The following SCLT1 variants were observed in gnomAD, a reference collection of about 807,000 sequenced individuals.
SCLT1 encodes the protein sodium channel and clathrin linker 1, also known as sodium channel-associated protein 1.
Under a neutral mutation model 112.8 loss-of-function variants are expected in SCLT1, and 78 were observed. The observed-to-expected ratio is 0.69, with a 90% CI of 0.58 to 0.83. SCLT1 has a LOEUF of 0.83. SCLT1 is among the 40% of genes least tolerant of loss of function. The pLI is 0.00. For synonymous variants in SCLT1, 257 were observed against 254.7 expected (o/e 1.01, Z -0.09); for missense variants, 747 against 770.4 (o/e 0.97, Z 0.36).
chr4:129,004,938 T>C (rs1297621591), intron 5 of SCLT1, among the ~76,000 whole-genome samples: 2 of 151,674 alleles, frequency 1.3e-5, no homozygotes, highest in Non-Finnish European at 2.9e-5. Context: ...CTAACAGTGT[T>C]TTTAAAAACT....
intron 8 of SCLT1, chr4:128,997,122 G>C (rs1365860739): frequency 6.6e-6 from 1 of 151,860 alleles, no homozygotes; most frequent in Non-Finnish European, 1.5e-5. Flanking sequence ...AATGTTAACA[G>C]AATAGGTACA....
At chr4:129,001,481 A>C (rs1472793455) in intron 6 of SCLT1, among the ~76,000 whole-genome samples, 1 of 152,066 alleles carries the variant, frequency 6.6e-6, no homozygotes, top group African/African-American at 2.4e-5. Context: ...AGATTTTTAA[A>C]CTATGTCAAA....
At chr4:128,929,039 C>G (rs1373533614) in intron 18 of SCLT1, among the ~76,000 whole-genome samples, 4 of 152,076 alleles carry the variant, frequency 2.6e-5, no homozygotes, top group Non-Finnish European at 5.9e-5. Flanking sequence ...GAAGTCCTAG[C>G]TAGTGCAATA....
rs1181001337 is a variant in SCLT1 at position 129,003,837 on chromosome 4, C to T, written c.330G>A (p.Leu110=). ...SELKDAVEKK[L]EAFPLGTEVG... is the part of the protein sequence containing the mutation. ...CCTCTGTGCCCAGGGGAAAGGCCTC[C>T]AATTTTTTTTCAACAGCATCTTTTA... is the stretch of plus-strand genomic sequence containing the variant. The change falls in exon 6 of 21, where the codon TTG becomes TTA. Residue 110 remains leucine (L), a synonymous_variant. Coordinates refer to ENST00000281142, the MANE Select transcript of SCLT1 (RefSeq NM_144643.4). The T allele has an allele frequency of 6.2e-7, 1 of 1,611,678 alleles. No individual in the cohort carries two copies. The highest frequency in any genetic ancestry group is 8.5e-7 in the Non-Finnish European group (1 of 1,178,566).
chr4:128,897,127 A>C (rs1291978115), intron 18 of SCLT1, among the ~76,000 whole-genome samples: 3 of 152,220 alleles, frequency 2.0e-5, no homozygotes, highest in Admixed American at 2.0e-4. Context: ...GAACTTCCCC[A>C]ATCTAGCAAG....
chr4:129,031,867 G>T (rs1477672412), intron 5 of SCLT1, among the ~76,000 whole-genome samples: 1 of 152,050 alleles, frequency 6.6e-6, no homozygotes, highest in African/African-American at 2.4e-5. Flanking sequence ...TGTGAAAATG[G>T]TCATATTGCC....
rs201944840 is a variant in SCLT1 at position 129,062,679 on chromosome 4, C to CT, written c.103-18629dup. Among the ~76,000 whole-genome samples, 1,446 of 151,618 alleles carry CT rather than the reference C, an allele frequency of 9.5e-3. 24 individuals carry two copies. Among genetic ancestry groups the CT allele is most frequent in the African/African-American group, 0.031 (1,267 of 41,388 alleles). On this transcript the variant is annotated intron_variant, in intron 2 of 20. Transcript: ENST00000281142. ...TGTTGGGTAAAGCATTCTTGGTTGACTTTTTTTTTCTATCAGTACTTTCAA... is the reference window on the plus strand; with the variant it reads ...TGTTGGGTAAAGCATTCTTGGTTGACTTTTTTTTTTCTATCAGTACTTTCAA...
At chr4:129,083,123 A>C (rs963372634) in intron 1 of SCLT1, among the ~76,000 whole-genome samples, 3 of 150,358 alleles carry the variant, frequency 2.0e-5, no homozygotes, top group African/African-American at 7.3e-5. Flanking sequence ...CCCGGGAGGC[A>C]GAAGTTGCAG....
At chr4:129,022,698 T>C (rs1445986939) in intron 5 of SCLT1, among the ~76,000 whole-genome samples, 2 of 151,984 alleles carry the variant, frequency 1.3e-5, no homozygotes, top group Non-Finnish European at 2.9e-5. Context: ...ACAGGGAGAA[T>C]GGAACCAAGT....
chr4:129,008,457 T>C (rs756350465), intron 5 of SCLT1, among the ~76,000 whole-genome samples: 2 of 152,220 alleles, frequency 1.3e-5, no homozygotes, highest in Non-Finnish European at 2.9e-5. Flanking sequence ...TTTGATTTTG[T>C]AGATGTTTTT....
chr4:128,925,638 A>G (rs1736236141), intron 18 of SCLT1, among the ~76,000 whole-genome samples: 1 of 151,956 alleles, frequency 6.6e-6, no homozygotes, highest in Non-Finnish European at 1.5e-5. Context: ...ATTTCTTAAA[A>G]CACTCCCACA....
chr4:128,962,993 C>T (rs998648131), intron 11 of SCLT1, among the ~76,000 whole-genome samples: 25 of 151,874 alleles, frequency 1.6e-4, no homozygotes, highest in Admixed American at 6.6e-4. Context: ...TGAAGAAAGG[C>T]GAAAAAAATG....
Position 128,953,863 on chromosome 4 carries a change from C to G in SCLT1, c.1147-1023G>C, listed in dbSNP as rs75933441. Among the ~76,000 whole-genome samples the G allele has an allele frequency of 4.6e-3, 685 of 150,454 alleles. 2 individuals are homozygous for G. Among genetic ancestry groups the G allele is most frequent in the African/African-American group, 0.016 (654 of 41,096 alleles). On this transcript the variant is annotated intron_variant, in intron 13 of 20. Transcript: ENST00000281142. The stretch of plus-strand genomic sequence containing the variant: ...GTGCTTTTGACTCATAAACAGAATA[C>G]TTTTTAAATAATACACACCACATCC...
chr4:128,883,774 A>G (rs183947220), downstream of SCLT1, among the ~76,000 whole-genome samples: 11 of 152,334 alleles, frequency 7.2e-5, no homozygotes, highest in Admixed American at 7.2e-4. Context: ...CTAAGTTCAA[A>G]CCAGAGAATA....
intron 6 of SCLT1, among the ~76,000 whole-genome samples, chr4:129,000,458 T>C (rs1336422958): frequency 6.6e-6 from 1 of 152,000 alleles, no homozygotes; most frequent in Non-Finnish European, 1.5e-5. Flanking sequence ...ATTATCTAAG[T>C]GTGGTACAGA....
chr4:128,930,520 T>C (rs1439001704), intron 18 of SCLT1, among the ~76,000 whole-genome samples: 2 of 152,178 alleles, frequency 1.3e-5, no homozygotes, highest in East Asian at 1.9e-4. Context: ...ATTTGTTACA[T>C]AGAAATAGGT....
chr4:128,897,609 A>G (rs1301801876), intron 18 of SCLT1, among the ~76,000 whole-genome samples: 3 of 152,188 alleles, frequency 2.0e-5, no homozygotes, highest in Non-Finnish European at 4.4e-5. Context: ...AAAAAACTGC[A>G]TCAACTAACG....
chr4:128,959,765 TG>T lies in SCLT1; in HGVS notation c.881del (p.Thr294LysfsTer8), dbSNP rs1286501318. 1.2e-6 allele frequency: 2 copies of T among 1,612,380 alleles called. No individual in the cohort carries two copies. The highest frequency in any genetic ancestry group is 1.7e-6 in the Non-Finnish European group (2 of 1,179,282). ...TTCTTAATTGGTTGGCTTCTTGGATTGTCACACATAATCTAGAAATCAATAA... is the reference window on the plus strand; with the variant it reads ...TTCTTAATTGGTTGGCTTCTTGGATTTCACACATAATCTAGAAATCAATAA... ...IKQLEIRLCV[T>X]IQEANQLRTE... On this transcript the variant is annotated frameshift_variant, in exon 12 of 21. Coordinates refer to ENST00000281142, the MANE Select transcript of SCLT1 (RefSeq NM_144643.4). LOFTEE classifies it high-confidence loss of function.
At chr4:128,987,743 A>G (rs1742225849) in intron 9 of SCLT1, among the ~76,000 whole-genome samples, 1 of 152,142 alleles carries the variant, frequency 6.6e-6, no homozygotes, top group Non-Finnish European at 1.5e-5. Context: ...AGGATGTACT[A>G]AGAGAGATGA....
Sources: allele counts gnomAD v4.1 joint callset (sites outside exome capture counted in the v4.1 genomes callset), GRCh38; gene constraint gnomAD v4.1.1; transcripts MANE v1.5; gene names NCBI Gene and HGNC (gene_info 2026-07-23, HGNC 2026-07-21).